ADGRB3: variants seen among roughly 807,000 people sequenced by gnomAD.
The protein encoded by ADGRB3 is adhesion G protein-coupled receptor B3, also known as brain-specific angiogenesis inhibitor 3.
In ADGRB3, 37 loss-of-function variants were observed where a neutral mutation model predicts 193.4. The observed-to-expected ratio is 0.19, with a 90% CI of 0.15 to 0.25. The LOEUF (loss-of-function observed/expected upper bound fraction) is 0.25, where lower values mean the gene tolerates loss of function less well. Ranked by LOEUF, ADGRB3 falls within the 10% of genes least tolerant of loss-of-function variation. ADGRB3 has a pLI of 1.00. For synonymous variants in ADGRB3, 690 were observed against 644.2 expected, an observed-to-expected ratio of 1.07 and a Z score of -1.08; for missense variants, 1,637 against 1,852.9, an observed-to-expected ratio of 0.88 and a Z score of 2.14.
intron 17 of ADGRB3, among the ~76,000 whole-genome samples, chr6:69,159,909 T>C (rs532591375): frequency 1.1e-4 from 16 of 152,266 alleles, no homozygotes; most frequent in Admixed American, 5.9e-4. Flanking sequence ...AAAAGATGAC[T>C]CTATCCTTCC....
chr6:68,639,466 G>T (rs527438200), intron 3 of ADGRB3, 34 bp downstream of exon 3: 22 of 1,545,890 alleles, frequency 1.4e-5, no homozygotes, highest in Admixed American at 3.9e-5. Context: ...GTGAGCGGGG[G>T]AGCACTTTTG....
intron 13 of ADGRB3, among the ~76,000 whole-genome samples, chr6:69,031,044 CT>C (rs1562128856): frequency 0.02 from 179 of 9,002 alleles, 16 homozygotes; most frequent in Non-Finnish European, 0.028. Context: ...CTTCTCTCTT[CT>C]CTTCTCTTCT....
At chr6:68,725,177 C>A (rs138714522) in intron 3 of ADGRB3, among the ~76,000 whole-genome samples, 1 of 151,582 alleles carries the variant, frequency 6.6e-6, no homozygotes, top group African/African-American at 2.4e-5. Flanking sequence ...CTGTGCTCAT[C>A]CCCTGGTTTG....
intron 17 of ADGRB3, among the ~76,000 whole-genome samples, chr6:69,196,469 C>T (rs374929809): frequency 6.6e-6 from 1 of 152,202 alleles, no homozygotes. Context: ...CATAAGAGTC[C>T]TCTCTTTTGC....
At chr6:69,316,358 A>G (rs1768312077) in intron 20 of ADGRB3, among the ~76,000 whole-genome samples, 1 of 151,540 alleles carries the variant, frequency 6.6e-6, no homozygotes, top group Admixed American at 6.6e-5. Flanking sequence ...AATAGGAAAC[A>G]TAGACAAGTA....
At chr6:69,024,666 G>T (rs1268890657) in intron 13 of ADGRB3, among the ~76,000 whole-genome samples, 2 of 152,190 alleles carry the variant, frequency 1.3e-5, no homozygotes, top group Non-Finnish European at 2.9e-5. Context: ...AACCCTAACA[G>T]ATACAAGAAT....
At chr6:68,945,813 T>C (rs1000104861) in intron 6 of ADGRB3, among the ~76,000 whole-genome samples, 5 of 152,154 alleles carry the variant, frequency 3.3e-5, no homozygotes, top group Non-Finnish European at 7.4e-5. Context: ...AGTTCAGATG[T>C]GAAAACTTAT....
chr6:69,075,592 T>C (rs9446091), intron 16 of ADGRB3, among the ~76,000 whole-genome samples: 39,063 of 152,020 alleles, frequency 0.26, 5,367 homozygotes, highest in African/African-American at 0.31. Flanking sequence ...ATTATACATG[T>C]GCATAATATA....
chr6:69,024,476 C>G (rs1770367466), intron 13 of ADGRB3, among the ~76,000 whole-genome samples: 1 of 152,142 alleles, frequency 6.6e-6, no homozygotes, highest in African/African-American at 2.4e-5. Context: ...TATGAATTTA[C>G]TTTAGATAGA....
chr6:69,100,916 AGGAAG>A (rs1773029077), intron 17 of ADGRB3, among the ~76,000 whole-genome samples: 1 of 3,268 alleles, frequency 3.1e-4, no homozygotes, highest in Non-Finnish European at 7.4e-4. Flanking sequence ...GAGGGAGGGA[AGGAAG>A]GAAGGAGGGA....
Position 69,014,086 on chromosome 6 carries a change from A to G in ADGRB3, c.1978A>G (p.Lys660Glu), listed in dbSNP as rs1770020490. Residue 660 changes from lysine (K) to glutamate (E), a missense_variant, in exon 12 of 32, where the codon AAA becomes GAA. Physicochemically the swap from Lys to Glu is moderately conservative, Grantham distance 56. Transcript: ENST00000370598. ...CCTTCTAGATGAAGAAAACAAGGAAAAATGGGAAGATGCACAACAGGTAAG... is the reference window on the plus strand; with the variant it reads ...CCTTCTAGATGAAGAAAACAAGGAAGAATGGGAAGATGCACAACAGGTAAG... Reference protein sequence around the residue: ...SNLLDEENKEKWEDAQQIYPG... With the variant: ...SNLLDEENKEEWEDAQQIYPG... 5 of 1,605,442 alleles carry G rather than the reference A, an allele frequency of 3.1e-6. No individual in the cohort carries two copies. Among genetic ancestry groups the G allele is most frequent in the Non-Finnish European group, 4.3e-6 (5 of 1,174,846 alleles).
intron 29 of ADGRB3, among the ~76,000 whole-genome samples, chr6:69,364,963 T>C (rs116941065): frequency 1.3e-5 from 2 of 152,226 alleles, no homozygotes; most frequent in East Asian, 1.9e-4. Flanking sequence ...TTGTTCTTTA[T>C]TTATTTCCTG....
chr6:68,747,495 A>G (rs1458674573), intron 3 of ADGRB3, among the ~76,000 whole-genome samples: 2 of 152,222 alleles, frequency 1.3e-5, no homozygotes, highest in East Asian at 1.9e-4. Flanking sequence ...ATTTGAACCT[A>G]TAGAATACAT....
At chr6:68,646,475 C>CAAAAAAAA (rs368034374) in intron 3 of ADGRB3, among the ~76,000 whole-genome samples, 3 of 107,550 alleles carry the variant, frequency 2.8e-5, no homozygotes, top group Non-Finnish European at 3.6e-5. Context: ...GAAACTCTGT[C>CAAAAAAAA]AAAAAAAAAA....
At chr6:69,163,308 A>T (rs1775045832) in intron 17 of ADGRB3, among the ~76,000 whole-genome samples, 1 of 152,098 alleles carries the variant, frequency 6.6e-6, no homozygotes, top group Non-Finnish European at 1.5e-5. Context: ...TAGTTCAGAC[A>T]TCCAAAAGTA....
chr6:69,280,145 C>T (rs1379934231), intron 20 of ADGRB3, among the ~76,000 whole-genome samples: 3 of 152,196 alleles, frequency 2.0e-5, no homozygotes, highest in African/African-American at 7.2e-5. Flanking sequence ...TCAAAGTTTG[C>T]TCTCTATTCT....
chr6:68,935,537 A>C (rs1767464347), intron 4 of ADGRB3, among the ~76,000 whole-genome samples: 1 of 152,164 alleles, frequency 6.6e-6, no homozygotes, highest in Non-Finnish European at 1.5e-5. Flanking sequence ...TTCACCTACA[A>C]ATTTTTTTTC....
intron 3 of ADGRB3, among the ~76,000 whole-genome samples, chr6:68,654,889 G>A (rs938707957): frequency 2.0e-5 from 3 of 151,616 alleles, no homozygotes; most frequent in Admixed American, 6.6e-5. Flanking sequence ...AGTATTCTAC[G>A]AATCTTTCTG....
At chr6:68,900,549 G>A (rs1489185452) in intron 3 of ADGRB3, among the ~76,000 whole-genome samples, 4 of 152,108 alleles carry the variant, frequency 2.6e-5, no homozygotes, top group African/African-American at 7.2e-5. Context: ...TAAACAAGTA[G>A]ATAGGATGAC....
Sources: gnomAD v4.1 joint callset for allele counts (sites outside exome capture counted in the v4.1 genomes callset) on GRCh38, gnomAD v4.1.1 for gene constraint, MANE v1.5 for transcripts, NCBI Gene and HGNC (gene_info 2026-07-23, HGNC 2026-07-21) for gene names.